ARF3: variants seen among roughly 807,000 people sequenced by gnomAD.
The protein encoded by ARF3 is ADP-ribosylation factor 3.
Under a neutral mutation model 19.3 loss-of-function variants are expected in ARF3, and 5 were observed. That is an observed-to-expected ratio of 0.26 (90% CI 0.14 to 0.54). The LOEUF is 0.54. ARF3 is among the 20% of genes least tolerant of loss of function. The pLI, the probability that ARF3 is intolerant of heterozygous loss-of-function variation, is 0.95. For synonymous variants in ARF3, 71 were observed against 89.2 expected (o/e 0.80, Z 1.15); for missense variants, 77 against 234.2 (o/e 0.33, Z 4.38).
Position 48,947,654 on chromosome 12 carries a change from G to A in ARF3, c.-93-6466C>T, listed in dbSNP as rs567070652. 3.9e-5 allele frequency among the ~76,000 whole-genome samples: 6 copies of A among 152,214 alleles called. No individual in the cohort carries two copies. In the East Asian group the frequency reaches 7.7e-4, roughly 20 times the overall value. ...CATACTGAACTAGGGATACAGAGAG[G>A]GAGACAGTTTCTGCCTTCATGAAAC... On this transcript the variant is annotated intron_variant, in intron 1 of 4. Coordinates refer to ENST00000256682, the MANE Select transcript of ARF3 (RefSeq NM_001659.3).
Position 48,938,509 on chromosome 12 carries a change from C to T in ARF3, c.*438G>A, listed in dbSNP as rs1456419797. The T allele has an allele frequency of 1.1e-5, 5 of 451,696 alleles. No individual in the cohort carries two copies. The highest frequency in any genetic ancestry group is 6.2e-5 in the South Asian group (4 of 64,028). 28.0% of individuals were successfully genotyped at this position (451,696 alleles called of 1,614,324 possible). Reference sequence around the variant, plus strand: ...ACATGCACGCAAACACAGAGAGGCCCGTGCAATTTCCATGTAAAACAGGGA... The same window carrying T: ...ACATGCACGCAAACACAGAGAGGCCTGTGCAATTTCCATGTAAAACAGGGA... On this transcript the variant is annotated 3_prime_UTR_variant, in exon 5 of 5. Transcript: ENST00000256682.
At chr12:48,940,500 C>T (rs1940234892) in intron 2 of ARF3, among the ~76,000 whole-genome samples, 1 of 152,206 alleles carries the variant, frequency 6.6e-6, no homozygotes, top group African/African-American at 2.4e-5. Context: ...AGTAAGCTGG[C>T]ATCCTGGAGC....
chr12:48,954,867 A>AG (rs986222012), intron 1 of ARF3, among the ~76,000 whole-genome samples: 17 of 152,102 alleles, frequency 1.1e-4, no homozygotes, highest in Non-Finnish European at 2.1e-4. Context: ...GTAAAAAAAA[A>AG]AATTCGCTGG....
chr12:48,951,045 T>G (rs992007708), intron 1 of ARF3, among the ~76,000 whole-genome samples: 1 of 151,990 alleles, frequency 6.6e-6, no homozygotes, highest in Non-Finnish European at 1.5e-5. Flanking sequence ...CCTCAGCCTC[T>G]CAAAGTGCTG....
intron 1 of ARF3, chr12:48,941,570 T>C (rs1277309537): frequency 1.3e-5 from 2 of 152,378 alleles, no homozygotes; most frequent in Non-Finnish European, 2.9e-5. Context: ...TTACTTACCC[T>C]GAGACTTCTG....
chr12:48,941,544 C>T (rs1940256601), intron 1 of ARF3: 1 of 152,680 alleles, frequency 6.5e-6, no homozygotes, highest in Non-Finnish European at 1.5e-5. Context: ...CATTAATGCC[C>T]CTCCCTCCCC....
intron 2 of ARF3, among the ~76,000 whole-genome samples, chr12:48,940,378 C>A (rs1369879838): frequency 6.6e-6 from 1 of 152,330 alleles, no homozygotes; most frequent in South Asian, 2.1e-4. Context: ...CTTTTCCACT[C>A]AGTCTTTGGT....
Position 48,941,127 on chromosome 12 carries a change from G to C in ARF3, c.-32C>G, listed in dbSNP as rs774291949. ...AGCAGCTGCTTTCTGGGGACAGTGG[G>C]GCCCAAGTAGGGGCAGTGGCAGTCT... On this transcript the variant is annotated 5_prime_UTR_variant, in exon 2 of 5. Coordinates refer to ENST00000256682, the MANE Select transcript of ARF3 (RefSeq NM_001659.3). 1 of 1,595,226 alleles carries C rather than the reference G, an allele frequency of 6.3e-7. No homozygotes were observed. Among genetic ancestry groups the C allele is most frequent in the South Asian group, 1.1e-5 (1 of 88,798 alleles).
At chr12:48,956,853 G>A (rs955988447) in intron 1 of ARF3, 2 of 152,478 alleles carry the variant, frequency 1.3e-5, no homozygotes, top group African/African-American at 2.4e-5. Flanking sequence ...GGGGGAGGGG[G>A]TGTAACCACA....
intron 1 of ARF3, among the ~76,000 whole-genome samples, chr12:48,952,271 T>C (rs1053711851): frequency 6.6e-6 from 1 of 152,184 alleles, no homozygotes; most frequent in African/African-American, 2.4e-5. Context: ...CCAAAACGCC[T>C]GGGAAGGGTC....
chr12:48,939,053 G>T lies in ARF3; in HGVS notation c.440C>A (p.Ser147Tyr), dbSNP rs764869823. 2 of 1,614,068 alleles carry T rather than the reference G, an allele frequency of 1.2e-6. No individual in the cohort carries two copies. Among genetic ancestry groups the T allele is most frequent in the South Asian group, 1.1e-5 (1 of 91,074 alleles). ...AATGTACCAGTTACGGTGACGAAGGGAATGCAGGCCCAGCTTGTCTGTGAT... is the reference window on the plus strand; with the variant it reads ...AATGTACCAGTTACGGTGACGAAGGTAATGCAGGCCCAGCTTGTCTGTGAT... ...AEITDKLGLH[S>Y]LRHRNWYIQA... The change falls in exon 5 of 5, where the codon TCC becomes TAC. Residue 147 changes from serine to tyrosine, a missense_variant. Physicochemically the swap from Ser to Tyr is moderately radical, Grantham distance 144. Transcript: ENST00000256682. This position sits in a 1 kb window ranked among gnomAD's most constrained non-coding sequence, Gnocchi z 4.8.
intron 1 of ARF3, among the ~76,000 whole-genome samples, chr12:48,951,333 G>A (rs1013493324): frequency 9.2e-5 from 14 of 151,824 alleles, no homozygotes; most frequent in African/African-American, 3.4e-4. Context: ...GGCCAAGGTG[G>A]GCGGATCACC....
chr12:48,947,678 A>C (rs1940383538), intron 1 of ARF3, among the ~76,000 whole-genome samples: 1 of 152,144 alleles, frequency 6.6e-6, no homozygotes, highest in Non-Finnish European at 1.5e-5. Flanking sequence ...CCTTCATGAA[A>C]CTCAGTCTTT....
At chr12:48,952,359 A>C (rs542926297) in intron 1 of ARF3, among the ~76,000 whole-genome samples, 1 of 152,360 alleles carries the variant, frequency 6.6e-6, no homozygotes, top group Middle Eastern at 3.4e-3. Flanking sequence ...TAGTCAGATA[A>C]AACAGTGACA....
intron 1 of ARF3, among the ~76,000 whole-genome samples, chr12:48,953,687 G>C (rs1940508366): frequency 6.6e-6 from 1 of 152,156 alleles, no homozygotes; most frequent in Admixed American, 6.6e-5. Flanking sequence ...CACATGGTGT[G>C]GCAGATCCTT....
chr12:48,954,693 T>C (rs1159736905), intron 1 of ARF3, among the ~76,000 whole-genome samples: 1 of 152,210 alleles, frequency 6.6e-6, no homozygotes, highest in African/African-American at 2.4e-5. Context: ...TTAATTACTA[T>C]ACCATTCTGC....
chr12:48,952,025 AC>A (rs1300605058), intron 1 of ARF3, among the ~76,000 whole-genome samples: 9 of 152,224 alleles, frequency 5.9e-5, no homozygotes, highest in Non-Finnish European at 1.3e-4. Flanking sequence ...GATAGAACAT[AC>A]AAAAGAAAAG....
At chr12:48,949,797 A>C (rs888546072) in intron 1 of ARF3, among the ~76,000 whole-genome samples, 5 of 151,614 alleles carry the variant, frequency 3.3e-5, no homozygotes, top group Non-Finnish European at 7.4e-5. Flanking sequence ...CTCCCACCTC[A>C]GCCTCCCAAA....
intron 1 of ARF3, among the ~76,000 whole-genome samples, chr12:48,945,659 G>C (rs1354607906): frequency 6.6e-6 from 1 of 151,978 alleles, no homozygotes; most frequent in African/African-American, 2.4e-5. Flanking sequence ...GGAAGCAGAG[G>C]TTGCAGTGAG....
Sources: allele counts gnomAD v4.1 joint callset (sites outside exome capture counted in the v4.1 genomes callset), GRCh38; gene constraint gnomAD v4.1.1; non-coding constraint Gnocchi (gnomAD v3.1); transcripts MANE v1.5; gene names NCBI Gene and HGNC (gene_info 2026-07-23, HGNC 2026-07-21).